The following REDIC1 variants were observed in gnomAD, a reference collection of about 807,000 sequenced individuals.
REDIC1 encodes regulator of DNA class I crossover intermediates 1.
chr12:39,737,074 C>A, the REDIC1 span, among the ~76,000 whole-genome samples: 4 of 152,160 alleles, frequency 2.6e-5, no homozygotes, highest in African/African-American at 9.7e-5. Flanking sequence ...TATTGAGAGC[C>A]AGAACTGTTC....
the REDIC1 span, among the ~76,000 whole-genome samples, chr12:39,748,833 G>T: frequency 6.6e-6 from 1 of 152,126 alleles, no homozygotes; most frequent in African/African-American, 2.4e-5. Context: ...GGTACATAAT[G>T]AAATGAAGGC....
chr12:39,723,499 T>C, the REDIC1 span, among the ~76,000 whole-genome samples: 2 of 151,666 alleles, frequency 1.3e-5, no homozygotes, highest in African/African-American at 4.8e-5. Flanking sequence ...AATGCATTAC[T>C]GGTTTGGGCT....
At chr12:39,678,852 T>A in the REDIC1 span, among the ~76,000 whole-genome samples, 8 of 152,084 alleles carry the variant, frequency 5.3e-5, no homozygotes, top group Non-Finnish European at 4.4e-5. Flanking sequence ...AAGAATTATA[T>A]GATCATTTCA....
At chr12:39,767,585 G>A in the REDIC1 span, among the ~76,000 whole-genome samples, 1 of 151,990 alleles carries the variant, frequency 6.6e-6, no homozygotes, top group Non-Finnish European at 1.5e-5. Context: ...GTCCTGGATG[G>A]TATCTTCTTC....
the REDIC1 span, among the ~76,000 whole-genome samples, chr12:39,827,187 A>C: frequency 6.6e-6 from 1 of 151,584 alleles, no homozygotes; most frequent in Non-Finnish European, 1.5e-5. Flanking sequence ...CTTTTCATTC[A>C]ATTTATTTAT....
chr12:39,763,259 T>C, the REDIC1 span, among the ~76,000 whole-genome samples: 1 of 152,052 alleles, frequency 6.6e-6, no homozygotes, highest in African/African-American at 2.4e-5. Flanking sequence ...ATATTTCAAA[T>C]GTCTTAAGTG....
chr12:39,879,155 A>T, the REDIC1 span, among the ~76,000 whole-genome samples: 1 of 152,228 alleles, frequency 6.6e-6, no homozygotes, highest in Non-Finnish European at 1.5e-5. Context: ...CTCTGCCAAG[A>T]TTTTGGAGGA....
the REDIC1 span, among the ~76,000 whole-genome samples, chr12:39,859,425 G>A: frequency 6.7e-6 from 1 of 148,940 alleles, no homozygotes; most frequent in Non-Finnish European, 1.5e-5. Context: ...AAAACAACAT[G>A]CCACTGTCCT....
At chr12:39,771,338 G>T in the REDIC1 span, among the ~76,000 whole-genome samples, 1 of 152,150 alleles carries the variant, frequency 6.6e-6, no homozygotes. Context: ...AGATTCCAGT[G>T]CTGTTGAGCT....
the REDIC1 span, among the ~76,000 whole-genome samples, chr12:39,869,893 T>G: frequency 6.6e-6 from 1 of 152,200 alleles, no homozygotes. Context: ...CAGGTAGTAT[T>G]TGAAATCCTA....
chr12:39,667,550 T>C, the REDIC1 span, among the ~76,000 whole-genome samples: 2 of 152,208 alleles, frequency 1.3e-5, no homozygotes, highest in African/African-American at 4.8e-5. Context: ...TCTGTTGATT[T>C]GGGGTGGAGA....
the REDIC1 span, among the ~76,000 whole-genome samples, chr12:39,710,560 T>A: frequency 5.9e-5 from 9 of 151,836 alleles, no homozygotes; most frequent in Non-Finnish European, 1.0e-4. Context: ...TTAGAAATAT[T>A]TACACATTCT....
the REDIC1 span, among the ~76,000 whole-genome samples, chr12:39,878,178 G>T: frequency 6.6e-6 from 1 of 152,054 alleles, no homozygotes; most frequent in African/African-American, 2.4e-5. Context: ...CAACTCTCAG[G>T]TATTTATTTA....
the REDIC1 span, among the ~76,000 whole-genome samples, chr12:39,848,277 C>T: frequency 6.6e-6 from 1 of 152,222 alleles, no homozygotes; most frequent in East Asian, 1.9e-4. Context: ...ACAAACTATG[C>T]ATCTGACAAA....
the REDIC1 span, among the ~76,000 whole-genome samples, chr12:39,825,438 G>A: frequency 6.6e-6 from 1 of 152,104 alleles, no homozygotes; most frequent in Non-Finnish European, 1.5e-5. Flanking sequence ...TATAAGAAGT[G>A]GACTTACTGG....
chr12:39,818,566 G>A, the REDIC1 span, among the ~76,000 whole-genome samples: 1 of 152,092 alleles, frequency 6.6e-6, no homozygotes, highest in Non-Finnish European at 1.5e-5. Context: ...AGTAGCTTAT[G>A]TGACATAGCC....
At chr12:39,633,226 CTAAG>C in the REDIC1 span, among the ~76,000 whole-genome samples, 2 of 152,148 alleles carry the variant, frequency 1.3e-5, no homozygotes, top group African/African-American at 4.8e-5. Context: ...TATCCTTAGT[CTAAG>C]TTTTTTCTAT....
chr12:39,703,731 G>A, the REDIC1 span, among the ~76,000 whole-genome samples: 18 of 152,206 alleles, frequency 1.2e-4, no homozygotes, highest in African/African-American at 4.3e-4. Flanking sequence ...CCAAAAGAGA[G>A]ATATAGATTA....
the REDIC1 span, among the ~76,000 whole-genome samples, chr12:39,735,286 GAGGGCTGAA>G: frequency 6.6e-6 from 1 of 152,168 alleles, no homozygotes; most frequent in Non-Finnish European, 1.5e-5. Flanking sequence ...GGCTCATAGT[GAGGGCTGAA>G]AGGAAATTAA....
Sources: allele counts gnomAD v4.1 joint callset (sites outside exome capture counted in the v4.1 genomes callset), GRCh38; gene constraint gnomAD v4.1.1; transcripts MANE v1.5; gene names NCBI Gene and HGNC (gene_info 2026-07-23, HGNC 2026-07-21).